The following VEGFA variants were observed in gnomAD, a reference collection of about 807,000 sequenced individuals.
VEGFA encodes the protein vascular endothelial growth factor A, long form.
In VEGFA, 20 loss-of-function variants were observed where a neutral mutation model predicts 49.7. That is an observed-to-expected ratio of 0.40 (90% CI 0.28 to 0.58). The LOEUF (loss-of-function observed/expected upper bound fraction) is 0.58, where lower values mean the gene tolerates loss of function less well. Ranked by LOEUF, VEGFA falls within the 20% of genes least tolerant of loss-of-function variation. The pLI is 0.40. For synonymous variants in VEGFA, 219 were observed against 223.4 expected, an observed-to-expected ratio of 0.98 and a Z score of 0.18; for missense variants, 505 against 553.5, an observed-to-expected ratio of 0.91 and a Z score of 0.88.
intron 5 of VEGFA, chr6:43,780,072 G>A (rs1199234595): frequency 4.7e-6 from 1 of 214,082 alleles, no homozygotes; most frequent in Non-Finnish European, 9.6e-6. Context: ...ACCCCATCCT[G>A]CTGCCTGCCC....
chr6:43,771,366 C>G, intron 1 of VEGFA, 54 bp downstream of exon 1: 2 of 1,571,772 alleles, frequency 1.3e-6, no homozygotes, highest in Non-Finnish European at 8.6e-7. Flanking sequence ...CCTCTCCCGG[C>G]TGGGGACGTG....
rs866951594 is a variant in VEGFA at position 43,786,354 on chromosome 6, C to T, written c.*1792C>T. 2.0e-4 allele frequency: 35 copies of T among 177,960 alleles called. 1 individual carries two copies. In the Middle Eastern group the frequency reaches 6.8e-3, roughly 34 times the overall value. The allele number at this position is 177,960 out of a possible 1,614,324, so 11.0% of individuals were successfully genotyped here. ...TTGTGGGGAAAAGATATTAACATCA[C>T]GTCTTTGTCTCTAGTGCAGTTTTTC... On this transcript the variant is annotated 3_prime_UTR_variant, in exon 8 of 8. Transcript: ENST00000672860.
Position 43,770,390 on chromosome 6 carries a change from A to AT in VEGFA, c.-308dup, listed in dbSNP as rs528641022. The AT allele has an allele frequency of 3.5e-4, 131 of 369,580 alleles. 1 individual carries two copies. The highest frequency in any genetic ancestry group is 7.0e-4 in the Middle Eastern group (1 of 1,430). The allele number at this position is 369,580 out of a possible 1,614,324, so 22.9% of individuals were successfully genotyped here. On this transcript the variant is annotated 5_prime_UTR_variant, in exon 1 of 8. Coordinates refer to ENST00000672860, the MANE Select transcript of VEGFA (RefSeq NM_003376.6). ...TTATCCCTCTTCTTTTTTCTTAAAC[A>AT]TTTTTTTTTAAAACTGTATTGTTTC... is the stretch of plus-strand genomic sequence containing the variant.
chr6:43,781,126 G>C (rs1012876132), intron 6 of VEGFA: 4 of 565,534 alleles, frequency 7.1e-6, no homozygotes, highest in Non-Finnish European at 1.3e-5. Flanking sequence ...GTTGGCACAG[G>C]TGCCTGCTCA....
chr6:43,784,127 A>G (rs1768893838), intron 7 of VEGFA: 1 of 297,324 alleles, frequency 3.4e-6, no homozygotes. Flanking sequence ...TAGAGACTGA[A>G]CTGAAAACCC....
Position 43,770,589 on chromosome 6 carries a change from G to C in VEGFA, c.-118G>C, listed in dbSNP as rs1763246959. On this transcript the variant is annotated 5_prime_UTR_variant, in exon 1 of 8. Coordinates refer to ENST00000672860, the MANE Select transcript of VEGFA (RefSeq NM_003376.6). ...AGAGAGAGACGGGGTCAGAGAGAGC[G>C]CGCGGGCGTGCGAGCAGCGAAAGCG... is the stretch of plus-strand genomic sequence containing the variant. The C allele has an allele frequency of 3.5e-6, 5 of 1,412,508 alleles. No individual in the cohort carries two copies. The highest frequency in any genetic ancestry group is 4.6e-6 in the Non-Finnish European group (5 of 1,088,966). 87.5% of individuals were successfully genotyped at this position (1,412,508 alleles called of 1,614,324 possible). A position where few individuals can be genotyped will look rare whatever the true frequency, so the allele number is the denominator to read the frequency against.
chr6:43,771,434 T>A, intron 1 of VEGFA, 122 bp downstream of exon 1: 1 of 1,014,310 alleles, frequency 9.9e-7, no homozygotes, highest in Non-Finnish European at 1.4e-6. Context: ...GCACCAGGCG[T>A]GCGGCGTCCC....
At chr6:43,776,863 AACTT>A in intron 2 of VEGFA, 1 of 172,954 alleles carries the variant, frequency 5.8e-6, no homozygotes, top group Non-Finnish European at 1.3e-5. Context: ...GCCTTGGGGC[AACTT>A]ACTTAGCCTC....
At chr6:43,780,655 C>A in intron 5 of VEGFA, 77 bp from the exon 6 acceptor site, 7 of 1,534,174 alleles carry the variant, frequency 4.6e-6, no homozygotes, top group Non-Finnish European at 6.2e-6. Flanking sequence ...GTTCCCCCAT[C>A]CCTGCCCACC....
Position 43,785,306 on chromosome 6 carries a change from G to A in VEGFA, c.*744G>A. 4.8e-6 allele frequency: 1 copy of A among 209,564 alleles called. No homozygotes were observed. The highest frequency in any genetic ancestry group is 2.3e-5 in the African/African-American group (1 of 43,990). The allele number at this position is 209,564 out of a possible 1,614,324, so 13.0% of individuals were successfully genotyped here. ...AAAGACAGATCACAGGTACAGGGAT[G>A]AGGACACCGGCTCTGACCAGGAGTT... On this transcript the variant is annotated 3_prime_UTR_variant, in exon 8 of 8. Transcript: ENST00000672860.
intron 2 of VEGFA, chr6:43,776,968 G>C (rs558759069): frequency 8.0e-5 from 19 of 238,762 alleles, no homozygotes; most frequent in Non-Finnish European, 1.3e-4. Flanking sequence ...GATAGCTGTG[G>C]ACTACTGTAC....
At position 43,782,463 on chromosome 6, in the gene VEGFA, G is replaced by A. The variant is rs141735602; in HGVS notation, c.1166+376G>A. 1.7e-5 allele frequency: 6 copies of A among 342,922 alleles called. No individual in the cohort carries two copies. The Admixed American group carries it at 2.4e-4, about 14-fold the overall frequency. 21.2% of individuals were successfully genotyped at this position (342,922 alleles called of 1,614,324 possible). On this transcript the variant is annotated intron_variant, in intron 7 of 7. Coordinates refer to ENST00000672860, the MANE Select transcript of VEGFA (RefSeq NM_003376.6). ...TGGTAGTAATGCTGAGAAGCTGAAA[G>A]CCGATTCCAGGTGTGGACAATGTCA...
In VEGFA at chr6:43,780,769, A is replaced by G. The variant is rs763031344; in HGVS notation, c.1000A>G (p.Lys334Glu). ...AGGAAAGGGAAAGGGGCAAAAACGA[A>G]AGCGCAAGAAATCCCGGTATAAGTC... The change falls in exon 6 of 8, where the codon AAG becomes GAG. Residue 334 changes from lysine to glutamate, a missense_variant. By Grantham distance (56) the Lys-to-Glu change is moderately conservative. This residue lies in a region of VEGFA where 165 missense variants were observed against 231.7 expected (regional missense o/e 0.71). Transcript: ENST00000672860. The G allele has an allele frequency of 1.2e-6, 2 of 1,613,956 alleles. No individual in the cohort carries two copies. Among genetic ancestry groups the G allele is most frequent in the Non-Finnish European group, 1.7e-6 (2 of 1,179,994 alleles).
intron 7 of VEGFA, chr6:43,783,129 G>T (rs910093093): frequency 4.6e-5 from 7 of 152,456 alleles, no homozygotes; most frequent in African/African-American, 1.7e-4. Flanking sequence ...ACAGGGTCGG[G>T]ACAGGTGGCT....
intron 5 of VEGFA, chr6:43,780,486 G>T: frequency 1.8e-6 from 1 of 551,268 alleles, no homozygotes; most frequent in Non-Finnish European, 3.3e-6. Flanking sequence ...GTCAGGGGCT[G>T]GGTTTGCCAT....
At chr6:43,779,676 C>T (rs1284365019) in intron 5 of VEGFA, 4 of 468,376 alleles carry the variant, frequency 8.5e-6, no homozygotes, top group Admixed American at 4.5e-5. Flanking sequence ...GCCTCAACCC[C>T]TTGCCTCTTC....
intron 2 of VEGFA, chr6:43,776,292 T>A (rs747602079): frequency 6.6e-6 from 1 of 152,142 alleles, no homozygotes; most frequent in Non-Finnish European, 1.5e-5. Context: ...ACTGGCCAGG[T>A]GTTATTTCTT....
rs762664023 is a variant in VEGFA, at chr6:43,777,595, G to A, written c.785G>A (p.Arg262Gln). Residue 262 changes from arginine to glutamine, a missense_variant, in exon 3 of 8, where the codon CGA becomes CAA. Around this residue, in one of 2 missense-constraint regions of VEGFA, gnomAD observed 165 missense variants for 231.7 expected, o/e 0.71. Transcript: ENST00000672860. The surrounding 1 kb of genome is among the most constrained non-coding windows in gnomAD (Gnocchi z 4.3). ...AAGCCATCCTGTGTGCCCCTGATGC[G>A]ATGCGGGGGCTGCTGCAATGACGAG... 7 of 1,613,984 alleles carry A rather than the reference G, an allele frequency of 4.3e-6. No homozygotes were observed. The highest frequency in any genetic ancestry group is 5.9e-6 in the Non-Finnish European group (7 of 1,179,998).
chr6:43,778,879 C>G lies in VEGFA; in HGVS notation c.933-10C>G. On this transcript the variant is annotated splice_polypyrimidine_tract_variant and intron_variant, in intron 4 of 7. Transcript: ENST00000672860. ...TGTTTTGCTCTTTTCTCTCTCCCTA[C>G]CCATTGCAGACCAAAGAAAGATAGA... 1 of 1,614,234 alleles carries G rather than the reference C, an allele frequency of 6.2e-7. No homozygotes were observed. Among genetic ancestry groups the G allele is most frequent in the Non-Finnish European group, 8.5e-7 (1 of 1,180,044 alleles).
Sources: gnomAD v4.1 joint callset for allele counts on GRCh38, gnomAD v4.1.1 for gene constraint, gnomAD v4.1.1 regional missense constraint, Gnocchi (gnomAD v3.1) non-coding constraint, MANE v1.5 for transcripts, NCBI Gene and HGNC (gene_info 2026-07-23, HGNC 2026-07-21) for gene names.